The following PRDM5 variants were observed in gnomAD, a reference collection of about 807,000 sequenced individuals.
PRDM5 encodes the protein PR/SET domain 5.
PRDM5 carries 56 observed loss-of-function variants against 81.2 expected under a neutral mutation model. That is an observed-to-expected ratio of 0.69 (90% confidence interval 0.56 to 0.86). The LOEUF (loss-of-function observed/expected upper bound fraction) is 0.86. Ranked by LOEUF, PRDM5 falls within the 40% of genes least tolerant of loss-of-function variation. The pLI, the probability that PRDM5 is intolerant of heterozygous loss-of-function variation, is 0.00. For synonymous variants in PRDM5, 267 were observed against 256.4 expected (o/e 1.04, Z -0.39); for missense variants, 697 against 770.1 (o/e 0.91, Z 1.12).
At chr4:120,700,866 T>C (rs552487361) in intron 15 of PRDM5, among the ~76,000 whole-genome samples, 66 of 152,262 alleles carry the variant, frequency 4.3e-4, no homozygotes, top group South Asian at 2.7e-3. Flanking sequence ...GGCTCACATC[T>C]ATAATCCCAG....
intron 2 of PRDM5, among the ~76,000 whole-genome samples, chr4:120,886,403 C>CTGCAAAG (rs1763442344): frequency 2.6e-5 from 4 of 152,174 alleles, no homozygotes; most frequent in Non-Finnish European, 5.9e-5. Flanking sequence ...CAGCTGTAAT[C>CTGCAAAG]ACATAATAAC....
At chr4:120,809,101 G>A (rs1457790027) in intron 8 of PRDM5, among the ~76,000 whole-genome samples, 1 of 152,208 alleles carries the variant, frequency 6.6e-6, no homozygotes, top group Admixed American at 6.5e-5. Flanking sequence ...AGCGAAGGCT[G>A]CGAGGGCTGC....
intron 2 of PRDM5, among the ~76,000 whole-genome samples, chr4:120,889,303 T>C (rs1207473754): frequency 5.3e-5 from 8 of 152,312 alleles, no homozygotes; most frequent in Admixed American, 3.3e-4. Context: ...TTTGATCTAA[T>C]ATAATCCTTG....
chr4:120,766,119 C>T (rs761292121), intron 13 of PRDM5, among the ~76,000 whole-genome samples: 4 of 152,072 alleles, frequency 2.6e-5, no homozygotes, highest in Non-Finnish European at 5.9e-5. Flanking sequence ...ACCACCACGC[C>T]CAGCTAATTT....
At chr4:120,784,034 T>G (rs1578720311) in intron 11 of PRDM5, among the ~76,000 whole-genome samples, 1 of 152,162 alleles carries the variant, frequency 6.6e-6, no homozygotes, top group African/African-American at 2.4e-5. Flanking sequence ...TTCTACTGAT[T>G]AAGCTAATTA....
At chr4:120,796,609 G>A (rs967652899) in intron 10 of PRDM5, among the ~76,000 whole-genome samples, 2 of 152,184 alleles carry the variant, frequency 1.3e-5, no homozygotes, top group African/African-American at 4.8e-5. Flanking sequence ...CAGCAGTAAT[G>A]AACGCAGTCC....
intron 3 of PRDM5, among the ~76,000 whole-genome samples, chr4:120,840,093 T>A (rs946345412): frequency 6.6e-6 from 1 of 152,154 alleles, no homozygotes; most frequent in East Asian, 1.9e-4. Context: ...CCAACTTGGG[T>A]AGCTGAAGCC....
chr4:120,699,821 C>A (rs1228685040), intron 15 of PRDM5, among the ~76,000 whole-genome samples: 1 of 152,056 alleles, frequency 6.6e-6, no homozygotes, highest in Non-Finnish European at 1.5e-5. Flanking sequence ...GAATCAATAT[C>A]ATTAAAATGG....
chr4:120,871,881 C>T (rs891224309), intron 2 of PRDM5, among the ~76,000 whole-genome samples: 15 of 151,870 alleles, frequency 9.9e-5, no homozygotes, highest in South Asian at 8.3e-4. Flanking sequence ...GAGCCAGGTG[C>T]GTGGCTCACG....
At chr4:120,759,700 G>T (rs1343023407) in intron 13 of PRDM5, among the ~76,000 whole-genome samples, 2 of 152,162 alleles carry the variant, frequency 1.3e-5, no homozygotes, top group Admixed American at 1.3e-4. Flanking sequence ...GTCACAGTCA[G>T]TACATGGGCT....
At chr4:120,844,338 A>G (rs540978167) in intron 3 of PRDM5, among the ~76,000 whole-genome samples, 1 of 152,326 alleles carries the variant, frequency 6.6e-6, no homozygotes, top group Admixed American at 6.5e-5. Context: ...ATTGTGCTTC[A>G]TAGACATTGC....
At chr4:120,690,857 T>C (rs111573256), downstream of PRDM5, among the ~76,000 whole-genome samples, 2,146 of 152,274 alleles carry the variant, frequency 0.014, 49 homozygotes, top group African/African-American at 0.048. Context: ...TGGTCCTATA[T>C]GCTTTCTTAA....
intron 13 of PRDM5, among the ~76,000 whole-genome samples, chr4:120,774,426 A>C (rs1216172434): frequency 6.6e-6 from 1 of 152,252 alleles, no homozygotes; most frequent in African/African-American, 2.4e-5. Flanking sequence ...GAAAACACTG[A>C]ATTTACAGAA....
chr4:120,887,786 CTTTT>C lies in PRDM5; in HGVS notation c.177+19684_177+19687del, dbSNP rs773355512. 8.8e-4 allele frequency among the ~76,000 whole-genome samples: 75 copies of C among 85,168 alleles called. 8 individuals carry two copies. The highest frequency in any genetic ancestry group is 5.0e-3 in the African/African-American group (71 of 14,110). The allele number at this position is 85,168 out of a possible 152,430, so 55.9% of individuals were successfully genotyped here. A position where few individuals can be genotyped will look rare whatever the true frequency, so the allele number is the denominator to read the frequency against. ...AAACCCACAGCCTAGACATTTTATC[CTTTT>C]TTTTTTTTTTTTTTTTTTTTGAGAC... On this transcript the variant is annotated intron_variant, in intron 2 of 15. Coordinates refer to ENST00000264808, the MANE Select transcript of PRDM5 (RefSeq NM_018699.4).
chr4:120,707,912 T>G (rs759438246), intron 15 of PRDM5, among the ~76,000 whole-genome samples: 3 of 152,004 alleles, frequency 2.0e-5, no homozygotes, highest in Non-Finnish European at 2.9e-5. Flanking sequence ...TATGGAAAGA[T>G]GCTCACCATC....
chr4:120,762,010 A>C (rs2149179862), intron 13 of PRDM5, among the ~76,000 whole-genome samples: 1 of 152,282 alleles, frequency 6.6e-6, no homozygotes, highest in Non-Finnish European at 1.5e-5. Flanking sequence ...CATTTTATAA[A>C]CAAGCAGCAA....
chr4:120,724,114 A>C (rs768354060), intron 14 of PRDM5, among the ~76,000 whole-genome samples: 9 of 151,996 alleles, frequency 5.9e-5, no homozygotes, highest in Non-Finnish European at 7.4e-5. Flanking sequence ...AAGCTTACAT[A>C]CCAATTAATT....
chr4:120,837,045 C>T (rs555901430), intron 3 of PRDM5, among the ~76,000 whole-genome samples: 12 of 152,266 alleles, frequency 7.9e-5, no homozygotes, highest in Middle Eastern at 6.8e-3. Context: ...CTGGAGGTGA[C>T]TTCCAGCACC....
At chr4:120,727,423 T>G (rs538246127) in intron 14 of PRDM5, among the ~76,000 whole-genome samples, 39 of 152,152 alleles carry the variant, frequency 2.6e-4, no homozygotes, top group Admixed American at 2.2e-3. Flanking sequence ...TGGGAAAGCC[T>G]CTAGAACTGC....
Sources: gnomAD v4.1 joint callset for allele counts (sites outside exome capture counted in the v4.1 genomes callset) on GRCh38, gnomAD v4.1.1 for gene constraint, MANE v1.5 for transcripts, NCBI Gene and HGNC (gene_info 2026-07-23, HGNC 2026-07-21) for gene names.